The following PIEZO2 variants were observed in gnomAD, a reference collection of about 807,000 sequenced individuals.
PIEZO2 encodes piezo type mechanosensitive ion channel component 2.
PIEZO2 carries 172 observed loss-of-function variants against 337.3 expected under a neutral mutation model. That is an observed-to-expected ratio of 0.51 (90% CI 0.45 to 0.58). The LOEUF is 0.58. PIEZO2 is among the 20% of genes least tolerant of loss of function. PIEZO2 has a pLI of 0.00. For synonymous variants in PIEZO2, 1,251 were observed against 1,228.5 expected, an observed-to-expected ratio of 1.02 and a Z score of -0.38; for missense variants, 3,028 against 3,391.3, an observed-to-expected ratio of 0.89 and a Z score of 2.66.
In PIEZO2 at chr18:10,713,375, C is replaced by T. The variant is rs1299362003; in HGVS notation, c.5423+1389G>A. Among the ~76,000 whole-genome samples, 6 of 151,988 alleles carry T rather than the reference C, an allele frequency of 3.9e-5. No homozygotes were observed. The highest frequency in any genetic ancestry group is 1.5e-4 in the African/African-American group (6 of 41,378). ...TTTGGTTTTTTTTTTACCCACATTC[C>T]TCACTCAGTTTGTAATTCCAACATC... On this transcript the variant is annotated intron_variant, in intron 39 of 55. Coordinates refer to ENST00000674853, the MANE Select transcript of PIEZO2 (RefSeq NM_001378183.1). This position sits in a 1 kb window ranked among gnomAD's most constrained non-coding sequence, Gnocchi z 4.5.
chr18:11,010,030 T>C (rs753373966), intron 2 of PIEZO2, among the ~76,000 whole-genome samples: 1 of 152,138 alleles, frequency 6.6e-6, no homozygotes, highest in Non-Finnish European at 1.5e-5. Flanking sequence ...CAAGAGTAAA[T>C]GAATACGTAC....
At chr18:10,749,251 G>A (rs1158670684) in intron 29 of PIEZO2, among the ~76,000 whole-genome samples, 5 of 152,096 alleles carry the variant, frequency 3.3e-5, no homozygotes, top group Non-Finnish European at 7.4e-5. Flanking sequence ...CTTGAGGCCA[G>A]GAGTTCAAGA....
Position 10,677,878 on chromosome 18 carries a change from G to T in PIEZO2, c.7953-3C>A. 1 of 1,535,738 alleles carries T rather than the reference G, an allele frequency of 6.5e-7. No homozygotes were observed. On this transcript the variant is annotated splice_polypyrimidine_tract_variant and splice_region_variant and intron_variant, in intron 52 of 55. Transcript: ENST00000674853. This position sits in a 1 kb window ranked among gnomAD's most constrained non-coding sequence, Gnocchi z 4.1. ...ATTTTGCACCCAGACTTAAGTTTCT[G>T]TGAAGAAAAAAAAAAAGCTTAATGT... is the stretch of plus-strand genomic sequence containing the variant.
Position 11,115,844 on chromosome 18 carries a change from G to A in PIEZO2, c.64+32681C>T, listed in dbSNP as rs145063274. Among the ~76,000 whole-genome samples the A allele has an allele frequency of 5.5e-3, 833 of 152,256 alleles. 13 individuals carry two copies. The highest frequency in any genetic ancestry group is 0.019 in the African/African-American group (793 of 41,568). ...GCTATATTTAATTAAACAAGTTTGT[G>A]TCCCAGTAGAGAGGGACAGAAACAT... On this transcript the variant is annotated intron_variant, in intron 1 of 55. Transcript: ENST00000674853.
Position 10,905,036 on chromosome 18 carries a change from T to C in PIEZO2, c.329+6150A>G, listed in dbSNP as rs148844600. On this transcript the variant is annotated intron_variant, in intron 4 of 55. Coordinates refer to ENST00000674853, the MANE Select transcript of PIEZO2 (RefSeq NM_001378183.1). ...GAATAAATTAATATTTTGGTCTTAA[T>C]CTTAAATAACAACTTAAAAAAATCA... 1.9e-3 allele frequency among the ~76,000 whole-genome samples: 288 copies of C among 152,332 alleles called. 2 individuals are homozygous for C. The highest frequency in any genetic ancestry group is 3.4e-3 in the Middle Eastern group (1 of 294).
intron 2 of PIEZO2, among the ~76,000 whole-genome samples, chr18:10,984,019 G>A (rs1354537842): frequency 6.6e-6 from 1 of 152,106 alleles, no homozygotes; most frequent in African/African-American, 2.4e-5. Flanking sequence ...AAAGTTCTGA[G>A]AGACTCCCAG....
rs111313151 is a variant in PIEZO2 at position 11,109,519 on chromosome 18, G to C, written c.64+39006C>G. ...TCACTTGAGGTCAGGGGTTTGAGAC[G>C]ACCCTGGCCAAGATGGCGAAACCCC... On this transcript the variant is annotated intron_variant, in intron 1 of 55. Coordinates refer to ENST00000674853, the MANE Select transcript of PIEZO2 (RefSeq NM_001378183.1). The surrounding 1 kb of genome is among the most constrained non-coding windows in gnomAD (Gnocchi z 5.1). Among the ~76,000 whole-genome samples, 5,031 of 152,082 alleles carry C rather than the reference G, an allele frequency of 0.033. 277 individuals carry two copies. Among genetic ancestry groups the C allele is most frequent in the African/African-American group, 0.11 (4,687 of 41,472 alleles).
chr18:10,780,720 G>A (rs899656385), intron 17 of PIEZO2, among the ~76,000 whole-genome samples: 15 of 142,244 alleles, frequency 1.1e-4, no homozygotes, highest in Non-Finnish European at 1.9e-4. Flanking sequence ...CTGGAGTGCA[G>A]TGACGTATCT....
At position 10,671,615 on chromosome 18, in the gene PIEZO2, T is replaced by G; in HGVS notation, c.8510A>C (p.Glu2837Ala). The G allele has an allele frequency of 6.2e-7, 1 of 1,614,038 alleles. No homozygotes were observed. The highest frequency in any genetic ancestry group is 8.5e-7 in the Non-Finnish European group (1 of 1,179,956). The change falls in exon 56 of 56, where the codon GAG becomes GCG. Residue 2837 changes from glutamate to alanine, a missense_variant. Glu to Ala is a moderately radical substitution (Grantham distance 107). Transcript: ENST00000674853. ...IFLVRETGEL[E>A]LEEDLYAKLI... ...TTTGGCATAGAGATCTTCTTCTAGC[T>G]CCAGTTCTCCTGTCTCTCGAACTAA...
Position 10,762,556 on chromosome 18 carries a change from C to G in PIEZO2, c.3193G>C (p.Asp1065His), listed in dbSNP as rs752023399. The G allele has an allele frequency of 6.5e-7, 1 of 1,537,254 alleles. No individual in the cohort carries two copies. ...NKSLLYSAPI[D>H]PTEWVGLRKS... is the part of the protein sequence containing the mutation. ...CGCAGGCCGACCCACTCTGTAGGATCGATAGGAGCGCTGTAGAGCAGAGAC... is the reference window on the plus strand; with the variant it reads ...CGCAGGCCGACCCACTCTGTAGGATGGATAGGAGCGCTGTAGAGCAGAGAC... The change falls in exon 23 of 56, where the codon GAT (aspartate) becomes CAT (histidine). Residue 1065 changes from aspartate to histidine, a missense_variant. Around this residue, in one of 5 missense-constraint regions of PIEZO2, gnomAD observed 1,925 missense variants for 2,051.9 expected, o/e 0.94. Transcript: ENST00000674853.
rs1488657021 is a variant in PIEZO2 at position 11,125,326 on chromosome 18, G to A, written c.64+23199C>T. On this transcript the variant is annotated intron_variant, in intron 1 of 55. Coordinates refer to ENST00000674853, the MANE Select transcript of PIEZO2 (RefSeq NM_001378183.1). This position sits in a 1 kb window ranked among gnomAD's most constrained non-coding sequence, Gnocchi z 4.4. Reference sequence around the variant, plus strand: ...GATGTGTCCGACAAAAGACAGTGCTGTTAAGTCATCAGCATTGTTACAACA... The same window carrying A: ...GATGTGTCCGACAAAAGACAGTGCTATTAAGTCATCAGCATTGTTACAACA... Among the ~76,000 whole-genome samples the A allele has an allele frequency of 6.6e-6, 1 of 152,214 alleles. No individual in the cohort carries two copies. Among genetic ancestry groups the A allele is most frequent in the Non-Finnish European group, 1.5e-5 (1 of 68,044 alleles).
At chr18:10,974,773 C>T (rs1330494471) in intron 3 of PIEZO2, among the ~76,000 whole-genome samples, 3 of 152,158 alleles carry the variant, frequency 2.0e-5, no homozygotes, top group Non-Finnish European at 4.4e-5. Context: ...AGAAAAAGGG[C>T]ACCCTCTTGG....
At chr18:10,688,781 C>T (rs1598357356) in intron 49 of PIEZO2, among the ~76,000 whole-genome samples, 1 of 152,244 alleles carries the variant, frequency 6.6e-6, no homozygotes. Context: ...GTCAGGATTT[C>T]CAGACGCTTT....
intron 2 of PIEZO2, among the ~76,000 whole-genome samples, chr18:11,057,915 C>A (rs1029385486): frequency 1.3e-5 from 2 of 152,212 alleles, no homozygotes; most frequent in Non-Finnish European, 1.5e-5. Context: ...GTATGTAACA[C>A]TTTGCAACAA....
chr18:10,864,993 A>T (rs1257973924), intron 5 of PIEZO2, among the ~76,000 whole-genome samples: 1 of 152,206 alleles, frequency 6.6e-6, no homozygotes, highest in East Asian at 1.9e-4. Flanking sequence ...TCTGCACAAG[A>T]GCAAACTGTA....
At chr18:11,025,376 G>A (rs1216174215) in intron 2 of PIEZO2, among the ~76,000 whole-genome samples, 1 of 152,198 alleles carries the variant, frequency 6.6e-6, no homozygotes, top group Non-Finnish European at 1.5e-5. Context: ...GATGGGAAAT[G>A]CTTAGTGTTT....
chr18:10,816,608 C>A (rs7229013), intron 7 of PIEZO2, among the ~76,000 whole-genome samples: 1 of 151,876 alleles, frequency 6.6e-6, no homozygotes, highest in South Asian at 2.1e-4. Flanking sequence ...ACCTAAATAC[C>A]CAATAAAAAT....
chr18:10,800,775 A>C (rs1362578466), intron 10 of PIEZO2, among the ~76,000 whole-genome samples: 1 of 151,546 alleles, frequency 6.6e-6, no homozygotes, highest in African/African-American at 2.4e-5. Context: ...AAATGGCTGA[A>C]GGAGGCCTTC....
chr18:11,070,146 C>T lies in PIEZO2; in HGVS notation c.65-3924G>A, dbSNP rs943041526. ...TGGTATGCCCTACTGCACACCTAGA[C>T]ATATGGTGTAGCCTACTGCTCCTAG... On this transcript the variant is annotated intron_variant, in intron 1 of 55. Coordinates refer to ENST00000674853, the MANE Select transcript of PIEZO2 (RefSeq NM_001378183.1). The surrounding 1 kb of genome is among the most constrained non-coding windows in gnomAD (Gnocchi z 4.3). 6.6e-6 allele frequency among the ~76,000 whole-genome samples: 1 copy of T among 152,204 alleles called. No individual in the cohort carries two copies. Among genetic ancestry groups the T allele is most frequent in the African/African-American group, 2.4e-5 (1 of 41,446 alleles).
Sources: gnomAD v4.1 joint callset for allele counts (sites outside exome capture counted in the v4.1 genomes callset) on GRCh38, gnomAD v4.1.1 for gene constraint, gnomAD v4.1.1 regional missense constraint, Gnocchi (gnomAD v3.1) non-coding constraint, MANE v1.5 for transcripts, NCBI Gene and HGNC (gene_info 2026-07-23, HGNC 2026-07-21) for gene names.